Variants in YPEL2 observed in about 807,000 individuals in gnomAD.
YPEL2 encodes the protein yippee like 2, also known as protein yippee-like 2.
Under a neutral mutation model 19.1 loss-of-function variants are expected in YPEL2, and 2 were observed. The ratio of observed to expected loss-of-function variants is 0.10; its 90% CI spans 0.04 to 0.33. The LOEUF is 0.33. Ranked by LOEUF, YPEL2 falls within the 10% of genes least tolerant of loss-of-function variation. YPEL2 has a pLI of 1.00. For synonymous variants in YPEL2, 52 were observed against 50.0 expected (o/e 1.04, Z -0.17); for missense variants, 66 against 140.7 (o/e 0.47, Z 2.68).
At chr17:59,394,405 T>C (rs1461971423) in intron 4 of YPEL2, among the ~76,000 whole-genome samples, 5 of 136,990 alleles carry the variant, frequency 3.6e-5, no homozygotes, top group Admixed American at 7.3e-5. Context: ...TCCCCACATC[T>C]CAGACGATGG....
chr17:59,341,686 G>A (rs2047732030), intron 1 of YPEL2, among the ~76,000 whole-genome samples: 2 of 152,170 alleles, frequency 1.3e-5, no homozygotes, highest in Non-Finnish European at 2.9e-5. Flanking sequence ...TATTAAAAAG[G>A]TAAACAGGCT....
At position 59,401,339 on chromosome 17, in the gene YPEL2, G is replaced by A; in HGVS notation, c.*4149G>A. On this transcript the variant is annotated 3_prime_UTR_variant, in exon 5 of 5. Transcript: ENST00000312655. The stretch of plus-strand genomic sequence containing the variant: ...AAAAATTAAAATAGTTATGAAATCT[G>A]GCAGAAAAGGTAAAGCCTAGAAGAA... 6.6e-6 allele frequency: 1 copy of A among 152,556 alleles called. No individual in the cohort carries two copies. Among genetic ancestry groups the A allele is most frequent in the East Asian group, 1.9e-4 (1 of 5,200 alleles). The allele number at this position is 152,556 out of a possible 1,614,324, so 9.5% of individuals were successfully genotyped here.
At chr17:59,396,851 T>C (rs1165091652) in intron 4 of YPEL2, among the ~76,000 whole-genome samples, 2 of 152,134 alleles carry the variant, frequency 1.3e-5, no homozygotes, top group Non-Finnish European at 1.5e-5. Flanking sequence ...TCCAACATGG[T>C]GAAACCCCAT....
chr17:59,391,190 T>G (rs1314012052), intron 4 of YPEL2, among the ~76,000 whole-genome samples: 1 of 152,156 alleles, frequency 6.6e-6, no homozygotes, highest in Non-Finnish European at 1.5e-5. Context: ...ATATGGCTCA[T>G]GAACTGCCTC....
intron 1 of YPEL2, 72 bp downstream of exon 1, chr17:59,331,896 G>A (rs1317918048): frequency 6.6e-6 from 1 of 151,436 alleles, no homozygotes; most frequent in African/African-American, 2.4e-5. Context: ...CGGGCTCTGG[G>A]TCCCCGGCCC....
intron 2 of YPEL2, among the ~76,000 whole-genome samples, chr17:59,384,856 A>C (rs1022351942): frequency 3.3e-5 from 5 of 152,144 alleles, no homozygotes; most frequent in African/African-American, 7.2e-5. Flanking sequence ...GCATTCTTCA[A>C]AGTCTTTCTC....
Position 59,331,655 on chromosome 17 carries a change from A to C in YPEL2, c.-365A>C, listed in dbSNP as rs1465254594. ...TGCGGGGGCGCGTCCATCACGGGGT[A>C]GCCCCCGGCCCGGACCCGGAGGGAT... On this transcript the variant is annotated 5_prime_UTR_variant, in exon 1 of 5. Coordinates refer to ENST00000312655, the MANE Select transcript of YPEL2 (RefSeq NM_001005404.4). The C allele has an allele frequency of 6.5e-6, 1 of 153,226 alleles. No homozygotes were observed. The highest frequency in any genetic ancestry group is 2.4e-5 in the African/African-American group (1 of 41,472). 9.5% of individuals were successfully genotyped at this position (153,226 alleles called of 1,614,324 possible).
chr17:59,344,186 G>A (rs149989802), intron 1 of YPEL2, among the ~76,000 whole-genome samples: 1 of 152,202 alleles, frequency 6.6e-6, no homozygotes, highest in East Asian at 1.9e-4. Flanking sequence ...GAGCCACTGT[G>A]CCCAGCATGG....
Position 59,353,899 on chromosome 17 carries a change from T to C in YPEL2, c.117+373T>C, listed in dbSNP as rs765611184. 1 of 320,394 alleles carries C rather than the reference T, an allele frequency of 3.1e-6. No individual in the cohort carries two copies. The highest frequency in any genetic ancestry group is 2.6e-5 in the South Asian group (1 of 38,350). 19.8% of individuals were successfully genotyped at this position (320,394 alleles called of 1,614,324 possible). ...GGTGAATTCTGATAAAGCAGGGGAA[T>C]GTCTTGTAAGAGGGGTTCCTTAGCA... On this transcript the variant is annotated intron_variant, in intron 2 of 4. Coordinates refer to ENST00000312655, the MANE Select transcript of YPEL2 (RefSeq NM_001005404.4). The surrounding 1 kb of genome is among the most constrained non-coding windows in gnomAD (Gnocchi z 4.8).
intron 2 of YPEL2, among the ~76,000 whole-genome samples, chr17:59,384,745 A>C (rs2047971961): frequency 6.6e-6 from 1 of 152,222 alleles, no homozygotes; most frequent in South Asian, 2.1e-4. Context: ...CCTTGCTGGG[A>C]TACCACTGCC....
intron 4 of YPEL2, among the ~76,000 whole-genome samples, chr17:59,393,910 C>T (rs1253778422): frequency 2.6e-5 from 4 of 152,238 alleles, no homozygotes. Flanking sequence ...CCCATGTCTA[C>T]TTCTTTCTAC....
intron 1 of YPEL2, among the ~76,000 whole-genome samples, chr17:59,344,925 C>T (rs574926969): frequency 4.6e-5 from 7 of 152,130 alleles, no homozygotes; most frequent in South Asian, 2.1e-4. Flanking sequence ...CACCAGGGAC[C>T]GGTTTTGTGG....
chr17:59,340,695 G>A (rs1381212753), intron 1 of YPEL2, among the ~76,000 whole-genome samples: 5 of 148,562 alleles, frequency 3.4e-5, no homozygotes. Flanking sequence ...GATTACAGGC[G>A]TGAGCCACCG....
chr17:59,351,796 C>T (rs967002256), intron 1 of YPEL2, among the ~76,000 whole-genome samples: 6 of 152,304 alleles, frequency 3.9e-5, no homozygotes, highest in Admixed American at 2.0e-4. Flanking sequence ...TATAATTGGT[C>T]GCTTTGCATG....
intron 2 of YPEL2, among the ~76,000 whole-genome samples, chr17:59,363,862 A>C (rs1346552298): frequency 6.6e-6 from 1 of 152,154 alleles, no homozygotes; most frequent in African/African-American, 2.4e-5. Flanking sequence ...CCTTGTGGCA[A>C]ATCCCACCCT....
chr17:59,363,692 A>C (rs2047853673), intron 2 of YPEL2, among the ~76,000 whole-genome samples: 1 of 152,206 alleles, frequency 6.6e-6, no homozygotes, highest in Non-Finnish European at 1.5e-5. Context: ...CACTTATTTT[A>C]CAACATCCTT....
At chr17:59,363,802 G>C (rs2047854210) in intron 2 of YPEL2, among the ~76,000 whole-genome samples, 1 of 152,232 alleles carries the variant, frequency 6.6e-6, no homozygotes, top group South Asian at 2.1e-4. Context: ...GCTTCGCAGT[G>C]TGGCCTAGGT....
intron 2 of YPEL2, among the ~76,000 whole-genome samples, chr17:59,358,246 T>G (rs1296281261): frequency 2.0e-5 from 3 of 152,074 alleles, no homozygotes; most frequent in Non-Finnish European, 4.4e-5. Context: ...AGAAGGCAGG[T>G]GGTTTTTATT....
chr17:59,359,682 C>G (rs1478970928), intron 2 of YPEL2, among the ~76,000 whole-genome samples: 1 of 152,146 alleles, frequency 6.6e-6, no homozygotes, highest in Non-Finnish European at 1.5e-5. Flanking sequence ...AAAAACCATA[C>G]TCGAATAAAA....
Sources: allele counts gnomAD v4.1 joint callset (sites outside exome capture counted in the v4.1 genomes callset), GRCh38; gene constraint gnomAD v4.1.1; non-coding constraint Gnocchi (gnomAD v3.1); transcripts MANE v1.5; gene names NCBI Gene and HGNC (gene_info 2026-07-23, HGNC 2026-07-21).